COPS3: variants seen among roughly 807,000 people sequenced by gnomAD.
COPS3 encodes the protein COP9 signalosome subunit 3, also known as COP9 signalosome complex subunit 3.
A neutral mutation model predicts 58.2 loss-of-function variants in COPS3; 10 were observed. That is an observed-to-expected ratio of 0.17 (90% CI 0.11 to 0.29). The LOEUF is 0.29. Among genes scored for constraint, COPS3 ranks in the 10% least tolerant of loss-of-function variants. The probability of loss-of-function intolerance (pLI) is 1.00; values close to 1 mark genes in which losing one functional copy is unlikely to be tolerated. For synonymous variants in COPS3, 187 were observed against 181.7 expected, an observed-to-expected ratio of 1.03 and a Z score of -0.24; for missense variants, 333 against 510.1, an observed-to-expected ratio of 0.65 and a Z score of 3.34.
chr17:17,259,948 G>C (rs1200118202), intron 8 of COPS3, among the ~76,000 whole-genome samples: 1 of 152,006 alleles, frequency 6.6e-6, no homozygotes, highest in East Asian at 1.9e-4. Flanking sequence ...AGAACAGACA[G>C]GTTGCAAGGC....
rs199780755 is a variant in COPS3, at chr17:17,254,850, T to C, written c.1023+9A>G. On this transcript the variant is annotated intron_variant, in intron 9 of 11. Coordinates refer to ENST00000268717, the MANE Select transcript of COPS3 (RefSeq NM_003653.4). ...AAAAAAAAGAAAAAGAAAAAGAAAA[T>C]CCACTTACCATGTGCAGAACGTATT... 2.0e-4 allele frequency: 231 copies of C among 1,128,832 alleles called. No homozygotes were observed. In the African/African-American group the frequency reaches 2.9e-3, roughly 14 times the overall value. 69.9% of individuals were successfully genotyped at this position (1,128,832 alleles called of 1,614,324 possible). A position where few individuals can be genotyped will look rare whatever the true frequency, so the allele number is the denominator to read the frequency against.
Position 17,264,902 on chromosome 17 carries a change from C to T in COPS3, c.521G>A (p.Gly174Glu), listed in dbSNP as rs748286006. The change falls in exon 6 of 12, where the codon GGA becomes GAA. Residue 174 changes from glycine to glutamate, a missense_variant. Gly to Glu is a moderately conservative substitution (Grantham distance 98). Transcript: ENST00000268717. ...VDMMDICKEN[G>E]AYDAKHFLCY... ...TAAAAAGTGTTTTGCATCATAGGCT[C>T]CATTCTCTTTACAGATATCCATCAT... The T allele has an allele frequency of 2.5e-5, 41 of 1,613,778 alleles. No homozygotes were observed. The highest frequency in any genetic ancestry group is 3.5e-5 in the Non-Finnish European group (41 of 1,179,840).
chr17:17,247,228 G>A (rs1383728727), intron 11 of COPS3, 77 bp from the exon 12 acceptor site: 1 of 1,377,688 alleles, frequency 7.3e-7, no homozygotes, highest in African/African-American at 1.4e-5. Flanking sequence ...AAGCACACCA[G>A]TTGCCCTGTC....
intron 4 of COPS3, 52 bp from the exon 5 acceptor site, chr17:17,268,029 TG>T: frequency 6.3e-7 from 1 of 1,598,808 alleles, no homozygotes; most frequent in Non-Finnish European, 8.5e-7. Flanking sequence ...GGCAGCACAT[TG>T]GATCTTATGT....
At chr17:17,265,888 T>A (rs1160261456) in intron 5 of COPS3, among the ~76,000 whole-genome samples, 5 of 152,212 alleles carry the variant, frequency 3.3e-5, no homozygotes, top group Non-Finnish European at 5.9e-5. Context: ...CATGGTGTGA[T>A]ACAAGTAGAA....
chr17:17,280,709 C>A (rs753559589), intron 1 of COPS3: 5 of 1,265,488 alleles, frequency 4.0e-6, no homozygotes, highest in East Asian at 5.8e-5. Flanking sequence ...GCCTCCCGCC[C>A]GCTCCCGGCG....
At chr17:17,255,148 A>G in intron 8 of COPS3, 1 of 422,810 alleles carries the variant, frequency 2.4e-6, no homozygotes, top group South Asian at 2.7e-5. Context: ...AAAAATACAG[A>G]AAATTAGCTG....
At chr17:17,262,234 C>A in intron 6 of COPS3, 128 bp from the exon 7 acceptor site, 1 of 840,976 alleles carries the variant, frequency 1.2e-6, no homozygotes. Flanking sequence ...TTATAACAGC[C>A]TTATTGAGAT....
chr17:17,267,856 G>C, intron 5 of COPS3, 29 bp downstream of exon 5: 1 of 1,608,726 alleles, frequency 6.2e-7, no homozygotes, highest in South Asian at 1.1e-5. Flanking sequence ...CCTCTGACTT[G>C]GTGTGAATCA....
At chr17:17,267,263 G>C (rs1027664620) in intron 5 of COPS3, among the ~76,000 whole-genome samples, 22 of 151,194 alleles carry the variant, frequency 1.5e-4, no homozygotes, top group Admixed American at 1.5e-3. Context: ...GCGTGAACCC[G>C]GGAGGCGGAG....
chr17:17,276,217 G>C, intron 1 of COPS3, 53 bp from the exon 2 acceptor site: 1 of 1,602,896 alleles, frequency 6.2e-7, no homozygotes, highest in Non-Finnish European at 8.5e-7. Flanking sequence ...TAACCAAACT[G>C]ATGGAACTCT....
At chr17:17,268,803 A>G (rs1024321652) in intron 4 of COPS3, among the ~76,000 whole-genome samples, 2 of 147,812 alleles carry the variant, frequency 1.4e-5, no homozygotes, top group Non-Finnish European at 3.0e-5. Context: ...TGGGCAACAG[A>G]GCAAGACCCC....
chr17:17,265,401 C>CT (rs34164209), intron 5 of COPS3, among the ~76,000 whole-genome samples: 10,466 of 141,972 alleles, frequency 0.074, 453 homozygotes, highest in South Asian at 0.15. Flanking sequence ...ACAGCATTAC[C>CT]TTTTTTTTTT....
chr17:17,265,491 C>T (rs981101509), intron 5 of COPS3, among the ~76,000 whole-genome samples: 2 of 151,886 alleles, frequency 1.3e-5, no homozygotes, highest in African/African-American at 2.4e-5. Context: ...CTCCACCTCC[C>T]GGGTTCAAGT....
Position 17,246,979 on chromosome 17 carries a change from CA to C in COPS3, c.*118del. On this transcript the variant is annotated 3_prime_UTR_variant, in exon 12 of 12. Transcript: ENST00000268717. The stretch of plus-strand genomic sequence containing the variant: ...GCACACAGGACTGAAGATGTCAAAA[CA>C]AAACTTAATTTCTTAGTCTCCAGGT... 1.1e-6 allele frequency: 1 copy of C among 907,648 alleles called. No homozygotes were observed. The highest frequency in any genetic ancestry group is 1.8e-6 in the Non-Finnish European group (1 of 544,580). The allele number at this position is 907,648 out of a possible 1,614,324, so 56.2% of individuals were successfully genotyped here. A position where few individuals can be genotyped will look rare whatever the true frequency, so the allele number is the denominator to read the frequency against.
At chr17:17,263,308 C>T (rs747198352) in intron 6 of COPS3, among the ~76,000 whole-genome samples, 1 of 150,526 alleles carries the variant, frequency 6.6e-6, no homozygotes, top group African/African-American at 2.4e-5. Context: ...AAAAGAGATT[C>T]TCCTGCCTCA....
At chr17:17,280,597 T>C in intron 1 of COPS3, 1 of 1,301,856 alleles carries the variant, frequency 7.7e-7, no homozygotes, top group South Asian at 1.2e-5. Flanking sequence ...CGCAGCATTC[T>C]GTAGGACCAA....
intron 1 of COPS3, among the ~76,000 whole-genome samples, chr17:17,278,401 C>T (rs2048505925): frequency 2.0e-5 from 3 of 152,144 alleles, no homozygotes; most frequent in Admixed American, 2.0e-4. Context: ...TAGCTAGGTA[C>T]TTTTGATAAT....
intron 9 of COPS3, 26 bp downstream of exon 9, chr17:17,254,827 AAAAAAG>A (rs752202686): frequency 1.5e-5 from 22 of 1,424,532 alleles, no homozygotes; most frequent in East Asian, 1.2e-4. Flanking sequence ...AAAAAAAAAA[AAAAAAG>A]AAAAAGAAAA....
Sources: gnomAD v4.1 joint callset for allele counts (sites outside exome capture counted in the v4.1 genomes callset) on GRCh38, gnomAD v4.1.1 for gene constraint, MANE v1.5 for transcripts, NCBI Gene and HGNC (gene_info 2026-07-23, HGNC 2026-07-21) for gene names.